Variants in SETD7 observed in about 807,000 individuals in gnomAD.
SETD7 encodes SET domain containing 7, histone lysine methyltransferase, also known as histone-lysine N-methyltransferase SETD7.
In SETD7, 16 loss-of-function variants were observed where a neutral mutation model predicts 41.8. The observed-to-expected ratio is 0.38, with a 90% CI of 0.26 to 0.58. The LOEUF is 0.58. Ranked by LOEUF, SETD7 falls within the 20% of genes least tolerant of loss-of-function variation. The probability of loss-of-function intolerance (pLI) is 0.64; values close to 1 mark genes in which losing one functional copy is unlikely to be tolerated. For synonymous variants in SETD7, 163 were observed against 169.7 expected (o/e 0.96, Z 0.31); for missense variants, 346 against 459.7 (o/e 0.75, Z 2.26).
intron 1 of SETD7, among the ~76,000 whole-genome samples, chr4:139,550,579 T>A (rs1456993420): frequency 6.6e-6 from 1 of 152,220 alleles, no homozygotes; most frequent in East Asian, 1.9e-4. Context: ...ACAGAGACTT[T>A]CCATGAGAAA....
downstream of SETD7, among the ~76,000 whole-genome samples, chr4:139,501,784 A>G (rs1329585921): frequency 6.6e-6 from 1 of 152,204 alleles, no homozygotes; most frequent in Non-Finnish European, 1.5e-5. Flanking sequence ...AACAATCGAG[A>G]ACACACAATA....
rs942726212 is a variant in SETD7, at chr4:139,508,083, T to C, written c.*3580A>G. On this transcript the variant is annotated 3_prime_UTR_variant, in exon 8 of 8. Coordinates refer to ENST00000274031, the MANE Select transcript of SETD7 (RefSeq NM_030648.4). The stretch of plus-strand genomic sequence containing the variant: ...GAAATTTACGAAAAGTGCCACATAC[T>C]GTCTCCTGGAGAAGACAACCCTTTA... 3 of 152,244 alleles carry C rather than the reference T, an allele frequency of 2.0e-5. No individual in the cohort carries two copies. The highest frequency in any genetic ancestry group is 7.2e-5 in the African/African-American group (3 of 41,464). 9.4% of individuals were successfully genotyped at this position (152,244 alleles called of 1,614,324 possible).
intron 6 of SETD7, among the ~76,000 whole-genome samples, chr4:139,518,783 C>A (rs558161695): frequency 6.6e-6 from 1 of 152,298 alleles, no homozygotes; most frequent in South Asian, 2.1e-4. Flanking sequence ...CAGGAGGCAG[C>A]CATCGATTAC....
At position 139,510,085 on chromosome 4, in the gene SETD7, C is replaced by G. The variant is rs1726827944; in HGVS notation, c.*1578G>C. On this transcript the variant is annotated 3_prime_UTR_variant, in exon 8 of 8. Coordinates refer to ENST00000274031, the MANE Select transcript of SETD7 (RefSeq NM_030648.4). ...TCTTCATAAAGCAATGTGCAACTGA[C>G]AAGAAATAGCAAACTTCCTTCTGCC... 6.5e-6 allele frequency: 1 copy of G among 154,954 alleles called. No homozygotes were observed. The highest frequency in any genetic ancestry group is 1.4e-5 in the Non-Finnish European group (1 of 70,526). 9.6% of individuals were successfully genotyped at this position (154,954 alleles called of 1,614,324 possible).
At chr4:139,548,650 G>T (rs1165975204) in intron 1 of SETD7, among the ~76,000 whole-genome samples, 1 of 152,096 alleles carries the variant, frequency 6.6e-6, no homozygotes, top group Non-Finnish European at 1.5e-5. Flanking sequence ...ACAATAAAAA[G>T]AATAAATATG....
chr4:139,532,152 T>A (rs1727498825), intron 3 of SETD7, among the ~76,000 whole-genome samples: 1 of 151,924 alleles, frequency 6.6e-6, no homozygotes, highest in Non-Finnish European at 1.5e-5. Context: ...TTAAGCAAAA[T>A]ATTTTCTAGC....
At chr4:139,550,416 T>G (rs1303800100) in intron 1 of SETD7, among the ~76,000 whole-genome samples, 1 of 152,204 alleles carries the variant, frequency 6.6e-6, no homozygotes, top group African/African-American at 2.4e-5. Flanking sequence ...TTGTTTTGTT[T>G]TCTTTACATC....
chr4:139,520,810 T>C (rs1560680018), intron 5 of SETD7, among the ~76,000 whole-genome samples: 1 of 152,244 alleles, frequency 6.6e-6, no homozygotes, highest in Non-Finnish European at 1.5e-5. Context: ...GAGGCTGTTT[T>C]AGTTAAGCCT....
chr4:139,548,415 T>G (rs1328038748), intron 1 of SETD7, among the ~76,000 whole-genome samples: 2 of 152,126 alleles, frequency 1.3e-5, no homozygotes, highest in Non-Finnish European at 2.9e-5. Context: ...TGGATCACCC[T>G]AGGTCCAGAG....
chr4:139,500,026 C>A (rs1214703863), intron 7 of SETD7, among the ~76,000 whole-genome samples: 3 of 152,148 alleles, frequency 2.0e-5, no homozygotes. Flanking sequence ...TTCCCCTATA[C>A]CTTTGGATCA....
chr4:139,494,476 C>G (rs1726417898), downstream of SETD7, among the ~76,000 whole-genome samples: 1 of 152,074 alleles, frequency 6.6e-6, no homozygotes, highest in Admixed American at 6.6e-5. Flanking sequence ...TGGACAGGAG[C>G]CTTCTAAAAT....
intron 1 of SETD7, among the ~76,000 whole-genome samples, chr4:139,552,513 G>A (rs970373940): frequency 4.6e-5 from 7 of 152,170 alleles, no homozygotes; most frequent in East Asian, 1.9e-4. Context: ...TCCTCTTCCC[G>A]GAGTGGAGCC....
chr4:139,536,729 C>T (rs1727649475), intron 2 of SETD7, among the ~76,000 whole-genome samples: 1 of 149,442 alleles, frequency 6.7e-6, no homozygotes, highest in Non-Finnish European at 1.5e-5. Context: ...ATAGACTGGG[C>T]ATGGTGGCTC....
At chr4:139,534,138 G>A (rs1299640502) in intron 2 of SETD7, among the ~76,000 whole-genome samples, 3 of 152,066 alleles carry the variant, frequency 2.0e-5, no homozygotes, top group Non-Finnish European at 4.4e-5. Context: ...GGATGCTCAC[G>A]TGATTTTACC....
intron 1 of SETD7, among the ~76,000 whole-genome samples, chr4:139,552,140 T>C (rs1344949881): frequency 6.6e-6 from 1 of 152,210 alleles, no homozygotes; most frequent in Non-Finnish European, 1.5e-5. Flanking sequence ...ATGATTTTAA[T>C]GTGTGGCCCA....
chr4:139,555,217 A>C lies in SETD7; in HGVS notation c.40+881T>G, dbSNP rs1728224031. 6.6e-6 allele frequency among the ~76,000 whole-genome samples: 1 copy of C among 151,912 alleles called. No individual in the cohort carries two copies. Among genetic ancestry groups the C allele is most frequent in the African/African-American group, 2.4e-5 (1 of 41,378 alleles). ...AAAAAAAAGGTGGAGAAACTCAGCA[A>C]AACAAAGTGGCGAGAAAAGTCGGGG... On this transcript the variant is annotated intron_variant, in intron 1 of 7. Coordinates refer to ENST00000274031, the MANE Select transcript of SETD7 (RefSeq NM_030648.4). The surrounding 1 kb of genome is among the most constrained non-coding windows in gnomAD (Gnocchi z 4.0).
In SETD7 at chr4:139,555,128, A is replaced by G. The variant is rs1177064205; in HGVS notation, c.40+970T>C. Among the ~76,000 whole-genome samples, 1 of 151,096 alleles carries G rather than the reference A, an allele frequency of 6.6e-6. No homozygotes were observed. Among genetic ancestry groups the G allele is most frequent in the African/African-American group, 2.4e-5 (1 of 41,010 alleles). Reference sequence around the variant, plus strand: ...CGCTGTTACAAAATCATAACATCCTATGATACAAACAACGAGATTGTATAA... The same window carrying G: ...CGCTGTTACAAAATCATAACATCCTGTGATACAAACAACGAGATTGTATAA... On this transcript the variant is annotated intron_variant, in intron 1 of 7. Transcript: ENST00000274031. The surrounding 1 kb of genome is among the most constrained non-coding windows in gnomAD (Gnocchi z 4.0).
intron 2 of SETD7, among the ~76,000 whole-genome samples, 179 bp from the exon 3 acceptor site, chr4:139,533,545 TGAG>T (rs1186232201): frequency 1.3e-5 from 2 of 152,184 alleles, no homozygotes; most frequent in Non-Finnish European, 1.5e-5. Context: ...TGGGTAAGAC[TGAG>T]AAGAAAGACG....
Position 139,527,717 on chromosome 4 carries a change from T to C in SETD7, c.562+1314A>G, listed in dbSNP as rs1272884076. On this transcript the variant is annotated intron_variant, in intron 4 of 7. Coordinates refer to ENST00000274031, the MANE Select transcript of SETD7 (RefSeq NM_030648.4). ...CTTCTTACAGTGCATGGTACATTTG[T>C]CAAAATTAAGAAACCAACACAGATA... Among the ~76,000 whole-genome samples the C allele has an allele frequency of 2.6e-5, 4 of 152,340 alleles. No individual in the cohort carries two copies. In the East Asian group the frequency reaches 7.7e-4, roughly 29 times the overall value.
Sources: allele counts gnomAD v4.1 joint callset (sites outside exome capture counted in the v4.1 genomes callset), GRCh38; gene constraint gnomAD v4.1.1; non-coding constraint Gnocchi (gnomAD v3.1); transcripts MANE v1.5; gene names NCBI Gene and HGNC (gene_info 2026-07-23, HGNC 2026-07-21).